The following RBFOX1 variants were observed in gnomAD, a reference collection of about 807,000 sequenced individuals.
The protein encoded by RBFOX1 is RNA binding protein fox-1 homolog 1.
RBFOX1 carries 8 observed loss-of-function variants against 57.7 expected under a neutral mutation model. The ratio of observed to expected loss-of-function variants is 0.14; its 90% confidence interval spans 0.08 to 0.25. The LOEUF (loss-of-function observed/expected upper bound fraction) is 0.25. RBFOX1 is among the 10% of genes least tolerant of loss of function. The pLI, the probability that RBFOX1 is intolerant of heterozygous loss-of-function variation, is 1.00. For synonymous variants in RBFOX1, 326 were observed against 222.4 expected, an observed-to-expected ratio of 1.47 and a Z score of -4.15; for missense variants, 611 against 548.5, an observed-to-expected ratio of 1.11 and a Z score of -1.14.
intron 3 of RBFOX1, among the ~76,000 whole-genome samples, chr16:6,920,776 C>G (rs901258680): frequency 6.6e-6 from 1 of 152,156 alleles, no homozygotes; most frequent in Non-Finnish European, 1.5e-5. Context: ...CTGTGTGTGT[C>G]TTCTCCTCCT....
chr16:7,608,419 C>T (rs960749921), intron 10 of RBFOX1, among the ~76,000 whole-genome samples: 4 of 152,178 alleles, frequency 2.6e-5, no homozygotes, highest in African/African-American at 9.6e-5. Context: ...TTTACGTAGG[C>T]GATGTTTGGA....
chr16:5,360,173 C>A (rs570872785), intron 1 of RBFOX1, among the ~76,000 whole-genome samples: 78 of 152,324 alleles, frequency 5.1e-4, no homozygotes, highest in African/African-American at 1.8e-3. Context: ...TCTGCAGCCG[C>A]CTACTCCATC....
chr16:7,103,601 T>G (rs952042522), intron 4 of RBFOX1, among the ~76,000 whole-genome samples: 11 of 152,200 alleles, frequency 7.2e-5, no homozygotes, highest in African/African-American at 2.7e-4. Context: ...AGTGATTAGT[T>G]TGAATGATTT....
intron 2 of RBFOX1, among the ~76,000 whole-genome samples, chr16:6,473,850 G>A (rs2095231071): frequency 6.6e-6 from 1 of 152,152 alleles, no homozygotes; most frequent in African/African-American, 2.4e-5. Context: ...GTGCACACTT[G>A]GCTTTCTCTG....
chr16:6,774,908 T>G (rs550244201), intron 3 of RBFOX1, among the ~76,000 whole-genome samples: 1 of 152,088 alleles, frequency 6.6e-6, no homozygotes, highest in Non-Finnish European at 1.5e-5. Flanking sequence ...CTTAACCCCA[T>G]TGAGTAGTGG....
intron 4 of RBFOX1, among the ~76,000 whole-genome samples, chr16:7,081,354 T>G (rs1169380999): frequency 6.6e-6 from 1 of 152,136 alleles, no homozygotes; most frequent in Non-Finnish European, 1.5e-5. Context: ...CTTATTAACA[T>G]GCAGAACATG....
Position 7,649,409 on chromosome 16 carries a change from C to G in RBFOX1, c.758-4406C>G, listed in dbSNP as rs140291177. ...GGTCTGTTTAGTAAACATAATCAAT[C>G]TGTTTCCTTAACCACAAACATCTAG... On this transcript the variant is annotated intron_variant, in intron 11 of 15. Transcript: ENST00000550418. Among the ~76,000 whole-genome samples the G allele has an allele frequency of 2.3e-3, 356 of 152,324 alleles. 1 individual carries two copies. The highest frequency in any genetic ancestry group is 8.1e-3 in the African/African-American group (337 of 41,564).
intron 14 of RBFOX1, among the ~76,000 whole-genome samples, chr16:7,694,422 C>A (rs1354662667): frequency 1.3e-5 from 2 of 152,208 alleles, no homozygotes; most frequent in Non-Finnish European, 2.9e-5. Flanking sequence ...TAGGAACATG[C>A]ACCCAACTAT....
intron 4 of RBFOX1, among the ~76,000 whole-genome samples, chr16:7,491,529 G>C (rs1567476144): frequency 6.6e-6 from 1 of 151,666 alleles, no homozygotes; most frequent in African/African-American, 2.4e-5. Context: ...GCCCTTCCCT[G>C]CTGATCTTTG....
chr16:7,082,277 C>T (rs1203168545), intron 4 of RBFOX1, among the ~76,000 whole-genome samples: 1 of 152,040 alleles, frequency 6.6e-6, no homozygotes, highest in East Asian at 1.9e-4. Context: ...GTCCTGTAAA[C>T]ACATATTAAA....
At chr16:5,884,018 G>A (rs867322209) in intron 4 of RBFOX1, among the ~76,000 whole-genome samples, 2 of 152,160 alleles carry the variant, frequency 1.3e-5, no homozygotes, top group African/African-American at 2.4e-5. Flanking sequence ...TGGTTCTCTT[G>A]TGACTTAGTG....
intron 3 of RBFOX1, among the ~76,000 whole-genome samples, chr16:6,879,843 T>C (rs2062571690): frequency 6.6e-6 from 1 of 152,208 alleles, no homozygotes; most frequent in African/African-American, 2.4e-5. Context: ...ACAAAGAGGT[T>C]TGAGACATTT....
chr16:7,366,746 G>A (rs533622024), intron 4 of RBFOX1, among the ~76,000 whole-genome samples: 5 of 151,858 alleles, frequency 3.3e-5, no homozygotes, highest in East Asian at 1.9e-4. Context: ...CTACAAAGCC[G>A]TTCAAGAGTA....
chr16:6,981,496 T>C (rs527915333), intron 3 of RBFOX1, among the ~76,000 whole-genome samples: 16 of 152,340 alleles, frequency 1.1e-4, no homozygotes, highest in African/African-American at 3.8e-4. Flanking sequence ...AGTGTATTAG[T>C]CTGTTCTCAT....
intron 3 of RBFOX1, among the ~76,000 whole-genome samples, chr16:6,671,360 A>G (rs2098763803): frequency 6.6e-6 from 1 of 152,200 alleles, no homozygotes; most frequent in African/African-American, 2.4e-5. Flanking sequence ...TTTAATAAAA[A>G]CACATCTTAT....
rs186497375 is a variant in RBFOX1 at position 5,636,425 on chromosome 16, G to C, written c.318+37464G>C. 5.5e-3 allele frequency among the ~76,000 whole-genome samples: 839 copies of C among 152,278 alleles called. 3 individuals carry two copies. Among genetic ancestry groups the C allele is most frequent in the Middle Eastern group, 6.8e-3 (2 of 294 alleles). On this transcript the variant is annotated intron_variant, in intron 3 of 19. Transcript: ENST00000641259. ...TGTGGACACTTTACTGGTTATTGCAGTGTATCAGAAATAATGCTGGCCAAA... is the reference window on the plus strand; with the variant it reads ...TGTGGACACTTTACTGGTTATTGCACTGTATCAGAAATAATGCTGGCCAAA...
chr16:7,134,672 T>A (rs1483312899), intron 4 of RBFOX1, among the ~76,000 whole-genome samples: 5 of 152,226 alleles, frequency 3.3e-5, no homozygotes. Context: ...TTCATTCACA[T>A]CAACAGAGGC....
At chr16:6,883,064 A>C (rs1437539707) in intron 3 of RBFOX1, among the ~76,000 whole-genome samples, 1 of 152,190 alleles carries the variant, frequency 6.6e-6, no homozygotes, top group East Asian at 1.9e-4. Context: ...GTATTCATAG[A>C]TGGCTTCTCA....
chr16:7,026,912 A>T (rs1346310041), intron 3 of RBFOX1, among the ~76,000 whole-genome samples: 2 of 152,194 alleles, frequency 1.3e-5, no homozygotes, highest in Non-Finnish European at 2.9e-5. Flanking sequence ...CCGTAGGGTA[A>T]TACCGGAGCT....
Sources: allele counts gnomAD v4.1 joint callset (sites outside exome capture counted in the v4.1 genomes callset), GRCh38; gene constraint gnomAD v4.1.1; transcripts MANE v1.5; gene names NCBI Gene and HGNC (gene_info 2026-07-23, HGNC 2026-07-21).